The following PACRGL variants were observed in gnomAD, a reference collection of about 807,000 sequenced individuals.
PACRGL encodes parkin coregulated like.
In PACRGL, 38 loss-of-function variants were observed where a neutral mutation model predicts 34.5. The observed-to-expected ratio is 1.10, with a 90% CI of 0.85 to 1.44. PACRGL has a LOEUF of 1.44. Ranked by LOEUF, PACRGL falls within the 40% of genes most tolerant of loss-of-function variation. The pLI, the probability that PACRGL is intolerant of heterozygous loss-of-function variation, is 0.00. For synonymous variants in PACRGL, 128 were observed against 100.1 expected (o/e 1.28, Z -1.66); for missense variants, 305 against 281.4 (o/e 1.08, Z -0.60).
intron 8 of PACRGL, among the ~76,000 whole-genome samples, chr4:20,743,686 A>T (rs932322742): frequency 2.6e-5 from 4 of 152,160 alleles, no homozygotes; most frequent in African/African-American, 4.8e-5. Flanking sequence ...AACCTAGGCA[A>T]TACCATTCAG....
chr4:20,702,659 G>C (rs1237030308), intron 1 of PACRGL: 2 of 152,826 alleles, frequency 1.3e-5, no homozygotes, highest in African/African-American at 4.9e-5. Context: ...AGAAACTTGT[G>C]TTGTTCCCCC....
chr4:20,745,282 G>A (rs1752179546), intron 8 of PACRGL, among the ~76,000 whole-genome samples: 1 of 152,042 alleles, frequency 6.6e-6, no homozygotes, highest in African/African-American at 2.4e-5. Flanking sequence ...TTCACATGGT[G>A]ACATCTAATT....
chr4:20,757,787 A>ATAGG (rs1754606539), downstream of PACRGL, among the ~76,000 whole-genome samples: 1 of 152,178 alleles, frequency 6.6e-6, no homozygotes, highest in African/African-American at 2.4e-5. Context: ...AATGAGGATT[A>ATAGG]TAGGTAGGGT....
intron 4 of PACRGL, 110 bp downstream of exon 4, chr4:20,707,980 A>G: frequency 1.2e-6 from 1 of 825,876 alleles, no homozygotes; most frequent in South Asian, 1.7e-5. Flanking sequence ...GTGAGGTTGA[A>G]ATAAAGATGA....
At chr4:20,712,998 G>C in intron 6 of PACRGL, 76 bp downstream of exon 6, 1 of 1,349,928 alleles carries the variant, frequency 7.4e-7, no homozygotes, top group African/African-American at 1.5e-5. Context: ...TTAGAATATT[G>C]TATGCCTTTT....
At chr4:20,718,751 T>C (rs892516669) in intron 7 of PACRGL, 5 of 152,240 alleles carry the variant, frequency 3.3e-5, no homozygotes, top group Non-Finnish European at 7.3e-5. Flanking sequence ...TTATTGAGGA[T>C]TTTTGCATTG....
chr4:20,767,300 A>G, the PACRGL span: 6 of 152,176 alleles, frequency 3.9e-5, no homozygotes, highest in Non-Finnish European at 7.3e-5. Flanking sequence ...AAAAGAAAGG[A>G]ATATTGTAAT....
At position 20,731,818 on chromosome 4, in the gene PACRGL, C is replaced by T. The variant is rs1748311569; in HGVS notation, c.*4477C>T. The stretch of plus-strand genomic sequence containing the variant: ...TTCCTCCATAGCCTGACTCAGTGGG[C>T]ACTCTAAATGTTGATTATGTAATTG... On this transcript the variant is annotated 3_prime_UTR_variant, in exon 9 of 9. Transcript: ENST00000503585. The T allele has an allele frequency of 2.0e-6, 2 of 985,284 alleles. No homozygotes were observed. The highest frequency in any genetic ancestry group is 6.2e-5 in the Admixed American group (1 of 16,256). 61.0% of individuals were successfully genotyped at this position (985,284 alleles called of 1,614,324 possible).
At chr4:20,716,380 G>T (rs1029467333) in intron 7 of PACRGL, 9 of 577,990 alleles carry the variant, frequency 1.6e-5, no homozygotes, top group Non-Finnish European at 2.7e-5. Flanking sequence ...TTAAGTTCTA[G>T]GGTACATGTG....
chr4:20,715,749 C>T (rs1418222673), intron 7 of PACRGL, among the ~76,000 whole-genome samples: 1 of 152,042 alleles, frequency 6.6e-6, no homozygotes, highest in Admixed American at 6.6e-5. Flanking sequence ...CACCTGTAGT[C>T]CCAGCTTCAG....
intron 8 of PACRGL, among the ~76,000 whole-genome samples, chr4:20,746,339 AG>A (rs998976780): frequency 6.6e-5 from 10 of 151,732 alleles, no homozygotes; most frequent in Admixed American, 6.6e-4. Context: ...ACACGGACAT[AG>A]GAAGGGGAAC....
At position 20,743,565 on chromosome 4, in the gene PACRGL, A is replaced by G. The variant is rs562522447; in HGVS notation, c.*57-9000A>G. Among the ~76,000 whole-genome samples the G allele has an allele frequency of 1.1e-4, 16 of 152,356 alleles. No homozygotes were observed. In the East Asian group the frequency reaches 1.3e-3, roughly 13 times the overall value. On this transcript the variant is annotated intron_variant, in intron 8 of 8. Coordinates refer to the PACRGL transcript ENST00000507634. ...ATGGTGCTGGGAAAACTGGCTAGCC[A>G]TATGTAGAAAGCTGAAACTGGATCC...
At chr4:20,701,768 A>C (rs1002685661) in intron 1 of PACRGL, 1 of 442,666 alleles carries the variant, frequency 2.3e-6, no homozygotes, top group Non-Finnish European at 4.6e-6. Flanking sequence ...TCTCTTTCAG[A>C]TACCCAAATC....
At chr4:20,765,598 A>T in the PACRGL span, among the ~76,000 whole-genome samples, 3 of 152,290 alleles carry the variant, frequency 2.0e-5, no homozygotes, top group Non-Finnish European at 2.9e-5. Context: ...TAATGGGCTG[A>T]GGAAAATGTT....
Position 20,714,365 on chromosome 4 carries a change from A to G in PACRGL, c.609+826A>G, listed in dbSNP as rs553622864. On this transcript the variant is annotated intron_variant, in intron 7 of 8. Transcript: ENST00000503585. The stretch of plus-strand genomic sequence containing the variant: ...CCATTTGCTTGGTAGATCTTCCTCC[A>G]TCCTTTTATTTTGAGCCTATGTGTG... Among the ~76,000 whole-genome samples, 6 of 152,062 alleles carry G rather than the reference A, an allele frequency of 3.9e-5. No homozygotes were observed. In the East Asian group the frequency reaches 1.2e-3, roughly 29 times the overall value.
chr4:20,756,763 A>G (rs1316340496), downstream of PACRGL, among the ~76,000 whole-genome samples: 1 of 152,010 alleles, frequency 6.6e-6, no homozygotes, highest in African/African-American at 2.4e-5. Context: ...ACTGGACTTC[A>G]TCATTTCATT....
In PACRGL at chr4:20,713,477, G is replaced by A. The variant is rs1427610878; in HGVS notation, c.547G>A (p.Val183Ile). Residue 183 changes from valine (V) to isoleucine (I), a missense_variant, in exon 7 of 9, where the codon GTT becomes ATT. By Grantham distance (29) the Val-to-Ile change is conservative. Coordinates refer to ENST00000503585, the MANE Select transcript of PACRGL (RefSeq NM_001258345.3). ...GTTTGAAAGAGGATTGAATGCTCTA[G>A]TTCAGCTAAGTGTCGTTGTTGGTCC... ...EVFERGLNAL[V>I]QLSVVVGPSL... is the part of the protein sequence containing the mutation. The A allele has an allele frequency of 1.9e-6, 3 of 1,613,604 alleles. No homozygotes were observed. The East Asian group carries it at 6.7e-5, about 36-fold the overall frequency.
chr4:20,745,631 G>A (rs1158134324), intron 8 of PACRGL, among the ~76,000 whole-genome samples: 1 of 152,160 alleles, frequency 6.6e-6, no homozygotes, highest in Non-Finnish European at 1.5e-5. Context: ...GGGGTGGAGA[G>A]GTCTGTACCG....
Position 20,713,455 on chromosome 4 carries a change from T to C in PACRGL, c.525T>C (p.Phe175=). The change falls in exon 7 of 9, where the codon TTT becomes TTC. Residue 175 remains phenylalanine (F), a synonymous_variant. Coordinates refer to ENST00000503585, the MANE Select transcript of PACRGL (RefSeq NM_001258345.3). ...AALVHSDDEV[F]ERGLNALVQL... ...AGGTCCATTCGGATGATGAAGTGTT[T>C]GAAAGAGGATTGAATGCTCTAGTTC... is the stretch of plus-strand genomic sequence containing the variant. The C allele has an allele frequency of 1.2e-6, 2 of 1,613,700 alleles. No homozygotes were observed. The highest frequency in any genetic ancestry group is 2.2e-5 in the East Asian group (1 of 44,844).
Sources: gnomAD v4.1 joint callset for allele counts (sites outside exome capture counted in the v4.1 genomes callset) on GRCh38, gnomAD v4.1.1 for gene constraint, MANE v1.5 for transcripts, NCBI Gene and HGNC (gene_info 2026-07-23, HGNC 2026-07-21) for gene names.